MAF: variants seen among roughly 807,000 people sequenced by gnomAD.
MAF encodes transcription factor Maf.
A neutral mutation model predicts 22.0 loss-of-function variants in MAF; 10 were observed. The observed-to-expected ratio is 0.45, with a 90% CI of 0.28 to 0.77. The LOEUF is 0.77. Ranked by LOEUF, MAF falls within the 30% of genes least tolerant of loss-of-function variation. The pLI, the probability that MAF is intolerant of heterozygous loss-of-function variation, is 0.12. For synonymous variants in MAF, 337 were observed against 255.8 expected (o/e 1.32, Z -3.03); for missense variants, 544 against 548.4 (o/e 0.99, Z 0.08).
At chr16:79,343,321 A>G in the MAF span, among the ~76,000 whole-genome samples, 1 of 152,036 alleles carries the variant, frequency 6.6e-6, no homozygotes. Context: ...AGCATAGAAG[A>G]GGACTTCCTA....
chr16:79,441,855 G>C, the MAF span, among the ~76,000 whole-genome samples: 10 of 152,200 alleles, frequency 6.6e-5, no homozygotes, highest in African/African-American at 2.4e-4. Context: ...TAAGAATGTC[G>C]AGGTAAAATT....
At chr16:79,273,407 A>G in the MAF span, among the ~76,000 whole-genome samples, 1 of 152,194 alleles carries the variant, frequency 6.6e-6, no homozygotes, top group Non-Finnish European at 1.5e-5. Context: ...TGAAACGTCC[A>G]TTTGCTGCTG....
the MAF span, among the ~76,000 whole-genome samples, chr16:79,255,663 T>C: frequency 1.3e-5 from 2 of 152,208 alleles, no homozygotes; most frequent in East Asian, 3.8e-4. Flanking sequence ...TTCAACTGTC[T>C]GTACAGATTT....
At chr16:79,462,486 C>T in the MAF span, among the ~76,000 whole-genome samples, 1 of 152,170 alleles carries the variant, frequency 6.6e-6, no homozygotes, top group Non-Finnish European at 1.5e-5. Flanking sequence ...CCTAACAATT[C>T]CCTCCTCATC....
At chr16:79,380,943 T>C in the MAF span, among the ~76,000 whole-genome samples, 1 of 152,228 alleles carries the variant, frequency 6.6e-6, no homozygotes, top group Admixed American at 6.5e-5. Context: ...TCAGTAGGAA[T>C]GTGATAGGAA....
At chr16:79,335,330 G>A in the MAF span, among the ~76,000 whole-genome samples, 50 of 152,206 alleles carry the variant, frequency 3.3e-4, no homozygotes, top group African/African-American at 1.1e-3. Flanking sequence ...TGACTTAACT[G>A]TGCTTACTTC....
chr16:79,582,863 C>G (rs1011210800), downstream of MAF, among the ~76,000 whole-genome samples: 1 of 152,070 alleles, frequency 6.6e-6, no homozygotes. Context: ...CTCTTAAAAC[C>G]GAATATTTAG....
the MAF span, among the ~76,000 whole-genome samples, chr16:79,570,011 CT>C: frequency 0.38 from 44,758 of 116,812 alleles, 7,187 homozygotes; most frequent in Admixed American, 0.45. Context: ...TGTCTTTGTT[CT>C]TTTTTTTTTT....
At chr16:79,251,565 C>T in the MAF span, among the ~76,000 whole-genome samples, 3 of 151,326 alleles carry the variant, frequency 2.0e-5, no homozygotes, top group Admixed American at 1.3e-4. Flanking sequence ...GATCCATTCG[C>T]CTCGGCCTCC....
At chr16:79,211,318 C>T in the MAF span, among the ~76,000 whole-genome samples, 4 of 152,194 alleles carry the variant, frequency 2.6e-5, no homozygotes, top group Non-Finnish European at 5.9e-5. Flanking sequence ...GGAAGAGGCG[C>T]CTGCCACGAC....
the MAF span, among the ~76,000 whole-genome samples, chr16:79,227,039 T>A: frequency 2.6e-5 from 4 of 152,036 alleles, no homozygotes; most frequent in Non-Finnish European, 5.9e-5. Flanking sequence ...GGTGGATTAT[T>A]TTGGGTCACT....
chr16:79,282,107 C>G, the MAF span, among the ~76,000 whole-genome samples: 1 of 152,030 alleles, frequency 6.6e-6, no homozygotes, highest in Non-Finnish European at 1.5e-5. Context: ...TCGAGACCAG[C>G]CTGGACAAGA....
At chr16:79,334,740 G>A in the MAF span, among the ~76,000 whole-genome samples, 2 of 152,140 alleles carry the variant, frequency 1.3e-5, no homozygotes, top group Non-Finnish European at 2.9e-5. Flanking sequence ...CTCGAGGTTA[G>A]TGCACTTTAT....
chr16:79,558,432 G>C, the MAF span, among the ~76,000 whole-genome samples: 2 of 152,296 alleles, frequency 1.3e-5, no homozygotes, highest in East Asian at 1.9e-4. Context: ...AATCAGATTT[G>C]TCATTTCAAA....
At chr16:79,515,691 G>A in the MAF span, among the ~76,000 whole-genome samples, 13 of 152,166 alleles carry the variant, frequency 8.5e-5, no homozygotes, top group Admixed American at 2.6e-4. Flanking sequence ...AGGCTGGGCC[G>A]TGCTTCCTGC....
At chr16:79,371,606 G>C in the MAF span, among the ~76,000 whole-genome samples, 1 of 152,090 alleles carries the variant, frequency 6.6e-6, no homozygotes, top group African/African-American at 2.4e-5. Context: ...CCACCTCAGA[G>C]GCTTCACATA....
the MAF span, among the ~76,000 whole-genome samples, chr16:79,340,881 T>C: frequency 6.6e-6 from 1 of 152,110 alleles, no homozygotes. Context: ...GGCAAATAAC[T>C]AAATTGCTAA....
chr16:79,212,150 T>A, the MAF span: 141 of 1,511,050 alleles, frequency 9.3e-5, 2 homozygotes, highest in South Asian at 1.7e-3. Flanking sequence ...CCTCGTCCCA[T>A]CCAGCTACCA....
the MAF span, among the ~76,000 whole-genome samples, chr16:79,313,949 G>A: frequency 4.6e-5 from 7 of 152,276 alleles, no homozygotes; most frequent in Admixed American, 3.9e-4. Context: ...GGATGTCTGC[G>A]ATGATTAAAT....
Sources: gnomAD v4.1 joint callset for allele counts (sites outside exome capture counted in the v4.1 genomes callset) on GRCh38, gnomAD v4.1.1 for gene constraint, MANE v1.5 for transcripts, NCBI Gene and HGNC (gene_info 2026-07-23, HGNC 2026-07-21) for gene names.